The following RPS6KA2 variants were observed in gnomAD, a reference collection of about 807,000 sequenced individuals.
The protein encoded by RPS6KA2 is ribosomal protein S6 kinase A2.
In RPS6KA2, 42 loss-of-function variants were observed where a neutral mutation model predicts 91.8. That is an observed-to-expected ratio of 0.46 (90% CI 0.36 to 0.59). The LOEUF (loss-of-function observed/expected upper bound fraction) is 0.59, where lower values mean the gene tolerates loss of function less well. Ranked by LOEUF, RPS6KA2 falls within the 20% of genes least tolerant of loss-of-function variation. The probability of loss-of-function intolerance (pLI) is 0.00; values close to 1 mark genes in which losing one functional copy is unlikely to be tolerated. For missense variants in RPS6KA2, 798 were observed against 978.5 expected, an observed-to-expected ratio of 0.82 and a Z score of 2.46; for synonymous variants, 414 against 393.6, an observed-to-expected ratio of 1.05 and a Z score of -0.61.
At chr6:166,850,831 C>G (rs976054380) in intron 2 of RPS6KA2, among the ~76,000 whole-genome samples, 2 of 152,078 alleles carry the variant, frequency 1.3e-5, no homozygotes, top group African/African-American at 4.8e-5. Flanking sequence ...GGCCAGCACC[C>G]TCTGTGTGAC....
In RPS6KA2 at chr6:166,448,231, T is replaced by C. The variant is rs979465451; in HGVS notation, c.1332+493A>G. On this transcript the variant is annotated intron_variant, in intron 14 of 20. Transcript: ENST00000265678. This position sits in a 1 kb window ranked among gnomAD's most constrained non-coding sequence, Gnocchi z 4.7. Reference sequence around the variant, plus strand: ...CAAGCTTATTTATTTCTTTGAGTATTTTCTTCCTCCCTTTTTTCTTTCCTT... The same window carrying C: ...CAAGCTTATTTATTTCTTTGAGTATCTTCTTCCTCCCTTTTTTCTTTCCTT... 6.6e-6 allele frequency among the ~76,000 whole-genome samples: 1 copy of C among 152,210 alleles called. No individual in the cohort carries two copies. The highest frequency in any genetic ancestry group is 2.4e-5 in the African/African-American group (1 of 41,454).
At chr6:166,562,420 T>C (rs940911036) in intron 1 of RPS6KA2, among the ~76,000 whole-genome samples, 3 of 152,220 alleles carry the variant, frequency 2.0e-5, no homozygotes, top group Non-Finnish European at 4.4e-5. Context: ...CATACATACA[T>C]AGCACACGTA....
Position 166,557,673 on chromosome 6 carries a change from C to T in RPS6KA2, c.100-18889G>A, listed in dbSNP as rs1186181614. Among the ~76,000 whole-genome samples, 1 of 152,172 alleles carries T rather than the reference C, an allele frequency of 6.6e-6. No individual in the cohort carries two copies. Among genetic ancestry groups the T allele is most frequent in the African/African-American group, 2.4e-5 (1 of 41,444 alleles). Reference sequence around the variant, plus strand: ...TATATAGAAAAGTCCAGGCAACTTACAGAAATAATACAGATAAATTACAAG... The same window carrying T: ...TATATAGAAAAGTCCAGGCAACTTATAGAAATAATACAGATAAATTACAAG... On this transcript the variant is annotated intron_variant, in intron 1 of 20. Coordinates refer to ENST00000265678, the MANE Select transcript of RPS6KA2 (RefSeq NM_021135.6). This position sits in a 1 kb window ranked among gnomAD's most constrained non-coding sequence, Gnocchi z 4.8.
At position 166,519,567 on chromosome 6, in the gene RPS6KA2, T is replaced by C. The variant is rs951052553; in HGVS notation, c.299-9210A>G. ...ACCAGCTCTAACTGCCATGTGCTCT[T>C]CACCTGTCATGGCCCCAAGACAATC... On this transcript the variant is annotated intron_variant, in intron 3 of 20. Coordinates refer to ENST00000265678, the MANE Select transcript of RPS6KA2 (RefSeq NM_021135.6). Among the ~76,000 whole-genome samples, 6 of 152,192 alleles carry C rather than the reference T, an allele frequency of 3.9e-5. No homozygotes were observed. In the South Asian group the frequency reaches 1.2e-3, roughly 32 times the overall value.
At chr6:166,688,380 C>T (rs1051516611) in intron 2 of RPS6KA2, among the ~76,000 whole-genome samples, 2 of 152,314 alleles carry the variant, frequency 1.3e-5, no homozygotes, top group Admixed American at 6.5e-5. Context: ...CCCACCTGCC[C>T]GGCCCCCTCT....
At chr6:166,537,461 T>C (rs1454925614) in intron 2 of RPS6KA2, among the ~76,000 whole-genome samples, 1 of 152,256 alleles carries the variant, frequency 6.6e-6, no homozygotes, top group Non-Finnish European at 1.5e-5. Flanking sequence ...CCATATCAAC[T>C]AGCCATATTA....
chr6:166,695,649 G>A (rs1789333950), intron 2 of RPS6KA2, among the ~76,000 whole-genome samples: 1 of 152,084 alleles, frequency 6.6e-6, no homozygotes, highest in South Asian at 2.1e-4. Flanking sequence ...CCTCCTGTCA[G>A]ATCAGCAACA....
intron 2 of RPS6KA2, among the ~76,000 whole-genome samples, chr6:166,775,839 G>C (rs1778602515): frequency 6.6e-6 from 1 of 152,258 alleles, no homozygotes; most frequent in Non-Finnish European, 1.5e-5. Context: ...ACTGCGAAGG[G>C]GCAGAGACTG....
rs1218298726 is a variant in RPS6KA2, at chr6:166,665,016, A to G, written c.124-126232T>C. Reference sequence around the variant, plus strand: ...CCCCAGTACTTTGAGAGGCTGAGGCAAGAGGATTGCTTGAGCCCAGAAGTT... The same window carrying G: ...CCCCAGTACTTTGAGAGGCTGAGGCGAGAGGATTGCTTGAGCCCAGAAGTT... On this transcript the variant is annotated intron_variant, in intron 2 of 21. Transcript: ENST00000503859. This position sits in a 1 kb window ranked among gnomAD's most constrained non-coding sequence, Gnocchi z 4.5. Among the ~76,000 whole-genome samples, 1 of 152,212 alleles carries G rather than the reference A, an allele frequency of 6.6e-6. No individual in the cohort carries two copies. Among genetic ancestry groups the G allele is most frequent in the Non-Finnish European group, 1.5e-5 (1 of 68,026 alleles).
At chr6:166,802,722 C>T (rs1039697477) in intron 2 of RPS6KA2, among the ~76,000 whole-genome samples, 3 of 152,134 alleles carry the variant, frequency 2.0e-5, no homozygotes, top group Non-Finnish European at 4.4e-5. Flanking sequence ...CATGACTCAG[C>T]CAATTCCTCG....
chr6:166,705,960 G>T (rs769100437), intron 2 of RPS6KA2, among the ~76,000 whole-genome samples: 2 of 152,154 alleles, frequency 1.3e-5, no homozygotes, highest in Non-Finnish European at 2.9e-5. Flanking sequence ...TTATGAAAGA[G>T]ACTCTAGAGA....
chr6:166,801,785 G>A (rs1045635979), intron 2 of RPS6KA2, among the ~76,000 whole-genome samples: 1 of 152,120 alleles, frequency 6.6e-6, no homozygotes, highest in African/African-American at 2.4e-5. Context: ...ATATTTGACT[G>A]CAAAACTTCA....
At chr6:166,664,921 A>G (rs970219524) in intron 2 of RPS6KA2, among the ~76,000 whole-genome samples, 2 of 152,158 alleles carry the variant, frequency 1.3e-5, no homozygotes, top group Non-Finnish European at 2.9e-5. Flanking sequence ...CATGAGCTCC[A>G]TTGGAAACAT....
chr6:166,458,008 C>A (rs905668592), intron 12 of RPS6KA2, among the ~76,000 whole-genome samples: 1 of 152,222 alleles, frequency 6.6e-6, no homozygotes, highest in Non-Finnish European at 1.5e-5. Flanking sequence ...CTTATGTCTA[C>A]AGAAGGAGCT....
chr6:166,440,834 C>T lies in RPS6KA2; in HGVS notation c.1332+7890G>A, dbSNP rs375422158. Among the ~76,000 whole-genome samples the T allele has an allele frequency of 1.6e-4, 24 of 152,296 alleles. No individual in the cohort carries two copies. In the East Asian group the frequency reaches 3.9e-3, roughly 24 times the overall value. On this transcript the variant is annotated intron_variant, in intron 14 of 20. Transcript: ENST00000265678. ...GAGATATTTCGCGGCAAAGTTATCT[C>T]GGGGCAAACGCTGCAGCCGCAAGTG...
chr6:166,815,638 T>G (rs994470743), intron 2 of RPS6KA2, among the ~76,000 whole-genome samples: 1 of 152,174 alleles, frequency 6.6e-6, no homozygotes, highest in African/African-American at 2.4e-5. Flanking sequence ...CTCCCCAGTA[T>G]GCAGGGCCAT....
intron 2 of RPS6KA2, among the ~76,000 whole-genome samples, chr6:166,738,202 A>C (rs1790721762): frequency 6.6e-6 from 1 of 152,208 alleles, no homozygotes; most frequent in South Asian, 2.1e-4. Flanking sequence ...CATTATTATT[A>C]TTTTAAATAA....
At chr6:166,552,939 T>A (rs1383687725) in intron 1 of RPS6KA2, among the ~76,000 whole-genome samples, 1 of 152,246 alleles carries the variant, frequency 6.6e-6, no homozygotes, top group African/African-American at 2.4e-5. Context: ...CTCTACGGAT[T>A]CTGCAGTCTA....
chr6:166,643,892 T>C (rs7741396), intron 2 of RPS6KA2, among the ~76,000 whole-genome samples: 51,285 of 152,152 alleles, frequency 0.34, 9,070 homozygotes, highest in African/African-American at 0.45. Context: ...TTTATTAGAC[T>C]GTAAACCCTG....
Sources: gnomAD v4.1 joint callset for allele counts (sites outside exome capture counted in the v4.1 genomes callset) on GRCh38, gnomAD v4.1.1 for gene constraint, Gnocchi (gnomAD v3.1) non-coding constraint, MANE v1.5 for transcripts, NCBI Gene and HGNC (gene_info 2026-07-23, HGNC 2026-07-21) for gene names.